GALK1: variants seen among roughly 807,000 people sequenced by gnomAD.
GALK1 encodes galactokinase.
A neutral mutation model predicts 38.6 loss-of-function variants in GALK1; 30 were observed. The ratio of observed to expected loss-of-function variants is 0.78; its 90% CI spans 0.58 to 1.05. The LOEUF (loss-of-function observed/expected upper bound fraction) is 1.05. Ranked by LOEUF, GALK1 falls within the 50% of genes least tolerant of loss-of-function variation. GALK1 has a pLI of 0.00. For missense variants in GALK1, 512 were observed against 540.5 expected (o/e 0.95, Z 0.52); for synonymous variants, 240 against 233.6 (o/e 1.03, Z -0.25).
At chr17:75,756,674 A>T, downstream of GALK1, 1 of 1,612,958 alleles carries the variant, frequency 6.2e-7, no homozygotes, top group African/African-American at 1.3e-5. Flanking sequence ...ACCCACCCAC[A>T]GGCTGATGCT....
intron 5 of GALK1, among the ~76,000 whole-genome samples, chr17:75,761,521 G>T (rs2061587028): frequency 6.6e-6 from 1 of 150,572 alleles, no homozygotes; most frequent in Non-Finnish European, 1.5e-5. Flanking sequence ...GGAAGCTAAG[G>T]CAGGAGAATC....
intron 8 of GALK1, chr17:75,752,304 T>C (rs1599305826): frequency 1.2e-6 from 2 of 1,613,096 alleles, no homozygotes; most frequent in Non-Finnish European, 1.7e-6. Context: ...GCTGGGGGCC[T>C]GAGCGGGAGG....
chr17:75,757,948 A>T lies in GALK1; in HGVS notation c.*108T>A. The stretch of plus-strand genomic sequence containing the variant: ...CTAGAGGAGGCAGGTACCACATTGG[A>T]GGCACAAGTTTATTGAGCACCCGGA... On this transcript the variant is annotated 3_prime_UTR_variant, in exon 8 of 8. Coordinates refer to ENST00000588479, the MANE Select transcript of GALK1 (RefSeq NM_000154.2). The T allele has an allele frequency of 7.9e-7, 1 of 1,272,622 alleles. No homozygotes were observed. The highest frequency in any genetic ancestry group is 1.1e-6 in the Non-Finnish European group (1 of 893,486). 78.8% of individuals were successfully genotyped at this position (1,272,622 alleles called of 1,614,324 possible).
intron 5 of GALK1, among the ~76,000 whole-genome samples, chr17:75,759,436 AG>A (rs1344010316): frequency 1.0e-3 from 90 of 88,210 alleles, no homozygotes; most frequent in East Asian, 2.7e-3. Flanking sequence ...TCAAAAAAAA[AG>A]AAAGAAAGAA....
chr17:75,755,000 A>T (rs55868003), downstream of GALK1: 70,638 of 1,560,518 alleles, frequency 0.045, 1,839 homozygotes, highest in African/African-American at 0.055. Context: ...GCGCACACGT[A>T]CACACATGCA....
intron 5 of GALK1, among the ~76,000 whole-genome samples, chr17:75,760,780 A>G (rs1017834373): frequency 6.6e-6 from 1 of 151,552 alleles, no homozygotes; most frequent in East Asian, 1.9e-4. Context: ...AGTCTCAAAG[A>G]AAAAAAAGAG....
chr17:75,756,505 C>T (rs1599322078), downstream of GALK1: 2 of 1,613,400 alleles, frequency 1.2e-6, no homozygotes, highest in South Asian at 1.1e-5. Flanking sequence ...CCAACCACTC[C>T]TACGTGTTCC....
chr17:75,756,303 A>G, downstream of GALK1: 1 of 1,017,388 alleles, frequency 9.8e-7, no homozygotes, highest in Non-Finnish European at 1.5e-6. Flanking sequence ...CCCAACCTGT[A>G]CCCAAACCAC....
downstream of GALK1, chr17:75,754,121 G>A: frequency 2.1e-6 from 1 of 470,788 alleles, no homozygotes; most frequent in African/African-American, 2.0e-5. Context: ...CTGCTCAGAG[G>A]CAGGGCCCAG....
downstream of GALK1, chr17:75,754,733 C>G: frequency 6.2e-7 from 1 of 1,614,076 alleles, no homozygotes; most frequent in South Asian, 1.1e-5. Flanking sequence ...CACGGGACTA[C>G]AACTCACTGA....
chr17:75,765,190 G>C lies in GALK1; in HGVS notation c.-54C>G, dbSNP rs966858743. ...CTCCGGCACAGCCCCGTCGGCGCGG[G>C]ATGCTCGGGCGGGGCCCCGCGCGGG... On this transcript the variant is annotated 5_prime_UTR_variant, in exon 1 of 8. The change creates a new upstream start codon in the 5' untranslated region. Coordinates refer to ENST00000588479, the MANE Select transcript of GALK1 (RefSeq NM_000154.2). The C allele has an allele frequency of 2.2e-6, 3 of 1,374,078 alleles. No individual in the cohort carries two copies. In the African/African-American group the frequency reaches 4.6e-5, roughly 21 times the overall value. The allele number at this position is 1,374,078 out of a possible 1,614,324, so 85.1% of individuals were successfully genotyped here. A position where few individuals can be genotyped will look rare whatever the true frequency, so the allele number is the denominator to read the frequency against.
At chr17:75,754,043 T>C, downstream of GALK1, 1 of 735,268 alleles carries the variant, frequency 1.4e-6, no homozygotes, top group Non-Finnish European at 1.9e-6. Context: ...GGGCCTGGGG[T>C]GGGCGTCTGC....
At position 75,758,047 on chromosome 17, in the gene GALK1, G is replaced by A; in HGVS notation, c.*9C>T. The stretch of plus-strand genomic sequence containing the variant: ...CCGCACCCTCACCGTGTGCTGTCCT[G>A]GGGGTGCCTCACAAGCACAGCACCT... On this transcript the variant is annotated 3_prime_UTR_variant, in exon 8 of 8. Coordinates refer to ENST00000588479, the MANE Select transcript of GALK1 (RefSeq NM_000154.2). 1 of 1,612,574 alleles carries A rather than the reference G, an allele frequency of 6.2e-7. No homozygotes were observed. The highest frequency in any genetic ancestry group is 8.5e-7 in the Non-Finnish European group (1 of 1,179,820).
At chr17:75,757,196 C>T (rs778331639), downstream of GALK1, 1 of 1,612,414 alleles carries the variant, frequency 6.2e-7, no homozygotes, top group Non-Finnish European at 8.5e-7. Flanking sequence ...TCTGCCCACC[C>T]CAGGACCCTT....
At chr17:75,761,593 G>A (rs2061587388) in intron 5 of GALK1, among the ~76,000 whole-genome samples, 1 of 147,184 alleles carries the variant, frequency 6.8e-6, no homozygotes, top group Admixed American at 6.8e-5. Flanking sequence ...CTCCAGCCTG[G>A]GCAACAGGGC....
downstream of GALK1, among the ~76,000 whole-genome samples, chr17:75,754,190 G>A (rs150110757): frequency 4.6e-3 from 707 of 152,296 alleles, 9 homozygotes; most frequent in African/African-American, 0.016. Flanking sequence ...TGGCCAGGGG[G>A]TGCAAATTCA....
downstream of GALK1, chr17:75,754,111 C>A (rs2061432069): frequency 6.5e-6 from 3 of 463,298 alleles, no homozygotes; most frequent in Non-Finnish European, 1.1e-5. Flanking sequence ...GGGAGCACAG[C>A]TGCTCAGAGG....
chr17:75,753,385 G>A (rs2061412470), downstream of GALK1, among the ~76,000 whole-genome samples: 1 of 152,132 alleles, frequency 6.6e-6, no homozygotes, highest in Non-Finnish European at 1.5e-5. Context: ...CCTGGGAGGC[G>A]GGCAGGGGCA....
chr17:75,752,532 CG>C (rs1568380586), intron 8 of GALK1: 1 of 1,613,644 alleles, frequency 6.2e-7, no homozygotes, highest in Admixed American at 1.7e-5. Flanking sequence ...TGACGTTCTA[CG>C]CTCTCCATCG....
Sources: allele counts gnomAD v4.1 joint callset (sites outside exome capture counted in the v4.1 genomes callset), GRCh38; gene constraint gnomAD v4.1.1; transcripts MANE v1.5; gene names NCBI Gene and HGNC (gene_info 2026-07-23, HGNC 2026-07-21).